CUX1: variants seen among roughly 807,000 people sequenced by gnomAD.
The protein encoded by CUX1 is protein CASP.
Under a neutral mutation model 158.8 loss-of-function variants are expected in CUX1, and 31 were observed. That is an observed-to-expected ratio of 0.20 (90% CI 0.15 to 0.26). The LOEUF (loss-of-function observed/expected upper bound fraction) is 0.26. Among genes scored for constraint, CUX1 ranks in the 10% least tolerant of loss-of-function variants. The pLI is 1.00. For synonymous variants in CUX1, 879 were observed against 862.1 expected (o/e 1.02, Z -0.34); for missense variants, 1,589 against 2,014.6 (o/e 0.79, Z 4.04).
intron 1 of CUX1, among the ~76,000 whole-genome samples, chr7:101,903,427 C>T (rs990249231): frequency 6.6e-6 from 1 of 152,114 alleles, no homozygotes; most frequent in African/African-American, 2.4e-5. Context: ...TAGTGGGGAG[C>T]ACTGCGTGTG....
intron 22 of CUX1, among the ~76,000 whole-genome samples, chr7:102,234,933 A>AG (rs1187856436): frequency 6.6e-6 from 1 of 152,018 alleles, no homozygotes; most frequent in Non-Finnish European, 1.5e-5. Flanking sequence ...AAAAAAAAAA[A>AG]ATGCATTTTG....
chr7:102,043,026 G>A (rs1170763574), intron 3 of CUX1, among the ~76,000 whole-genome samples: 1 of 152,170 alleles, frequency 6.6e-6, no homozygotes, highest in Non-Finnish European at 1.5e-5. Context: ...CAGCAGCACA[G>A]TCTCAGCTCA....
intron 10 of CUX1, among the ~76,000 whole-genome samples, chr7:102,176,594 A>G (rs1487243102): frequency 8.7e-6 from 1 of 115,514 alleles, no homozygotes; most frequent in Non-Finnish European, 1.7e-5. Context: ...TTGCTTTGAC[A>G]CAGAGTCGCT....
At chr7:102,092,414 G>A (rs1411072637) in intron 4 of CUX1, among the ~76,000 whole-genome samples, 2 of 152,158 alleles carry the variant, frequency 1.3e-5, no homozygotes, top group Non-Finnish European at 2.9e-5. Flanking sequence ...CTTCTTCAGA[G>A]GCCTTCCCTG....
intron 11 of CUX1, among the ~76,000 whole-genome samples, chr7:102,180,634 T>C (rs1255244059): frequency 4.5e-4 from 27 of 59,438 alleles, no homozygotes; most frequent in Non-Finnish European, 1.0e-3. Context: ...GCCCAATGTC[T>C]TTTTTTTTTT....
chr7:102,253,811 G>A lies in CUX1; in HGVS notation c.*4769G>A. 2 of 985,558 alleles carry A rather than the reference G, an allele frequency of 2.0e-6. No individual in the cohort carries two copies. The highest frequency in any genetic ancestry group is 2.4e-6 in the Non-Finnish European group (2 of 830,050). 61.1% of individuals were successfully genotyped at this position (985,558 alleles called of 1,614,324 possible). A position where few individuals can be genotyped will look rare whatever the true frequency, so the allele number is the denominator to read the frequency against. The stretch of plus-strand genomic sequence containing the variant: ...TAGCAACACGGGGCATGAGCGGTGG[G>A]CGTGCTGGGCTATTTGCTGTGGTAC... On this transcript the variant is annotated 3_prime_UTR_variant, in exon 24 of 24. Coordinates refer to ENST00000292535, the MANE Select transcript of CUX1 (RefSeq NM_181552.4).
Position 102,270,093 on chromosome 7 carries a change from C to T in CUX1, c.1256-3273C>T, listed in dbSNP as rs113512065. ...TGTGTCCTCGCCCCAGAGCCCTGTA[C>T]TCCAGAGGTTGAAGAACTTGCCGAA... On this transcript the variant is annotated intron_variant, in intron 14 of 22. Coordinates refer to the CUX1 transcript ENST00000292538. Among the ~76,000 whole-genome samples, 895 of 152,366 alleles carry T rather than the reference C, an allele frequency of 5.9e-3. 7 individuals are homozygous for T. The highest frequency in any genetic ancestry group is 0.02 in the African/African-American group (825 of 41,582).
intron 1 of CUX1, among the ~76,000 whole-genome samples, chr7:101,851,047 T>A (rs988171392): frequency 7.9e-5 from 12 of 152,108 alleles, no homozygotes; most frequent in Admixed American, 2.6e-4. Context: ...AGGTCAAGGA[T>A]GCAGTGAGCT....
chr7:102,248,079 G>A lies in CUX1; in HGVS notation c.3888-333G>A, dbSNP rs572387301. ...CCAGGAGGCAGAGGTTGCAGTCTGCGGAGATTGAGCCACTGCACTCCACCT... is the reference window on the plus strand; with the variant it reads ...CCAGGAGGCAGAGGTTGCAGTCTGCAGAGATTGAGCCACTGCACTCCACCT... On this transcript the variant is annotated intron_variant, in intron 23 of 23. Transcript: ENST00000292535. This position sits in a 1 kb window ranked among gnomAD's most constrained non-coding sequence, Gnocchi z 5.8. 2.6e-5 allele frequency among the ~76,000 whole-genome samples: 4 copies of A among 152,110 alleles called. No homozygotes were observed. Among genetic ancestry groups the A allele is most frequent in the Admixed American group, 1.3e-4 (2 of 15,292 alleles).
intron 2 of CUX1, among the ~76,000 whole-genome samples, chr7:102,015,318 C>A (rs1818461090): frequency 6.6e-6 from 1 of 152,080 alleles, no homozygotes; most frequent in African/African-American, 2.4e-5. Context: ...ACCTCCGCCT[C>A]CCAGGTTCAC....
chr7:101,919,856 G>T (rs1804693568), intron 2 of CUX1, among the ~76,000 whole-genome samples: 1 of 152,214 alleles, frequency 6.6e-6, no homozygotes, highest in Non-Finnish European at 1.5e-5. Flanking sequence ...GGGGTGCTGT[G>T]TGGTGGCTGG....
rs1554541680 is a variant in CUX1 at position 102,255,397 on chromosome 7, A to AC, written c.*6355_*6356insC. On this transcript the variant is annotated 3_prime_UTR_variant, in exon 24 of 24. Coordinates refer to ENST00000292535, the MANE Select transcript of CUX1 (RefSeq NM_181552.4). Reference sequence around the variant, plus strand: ...AGGCGAAAAATCCCAAAAAAAAAAAAAGACAAAAAAAAAAGGCTGGCGAGA... The same window carrying AC: ...AGGCGAAAAATCCCAAAAAAAAAAAACAGACAAAAAAAAAAGGCTGGCGAGA... 1.0e-6 allele frequency: 1 copy of AC among 984,336 alleles called. No homozygotes were observed. Among genetic ancestry groups the AC allele is most frequent in the East Asian group, 1.1e-4 (1 of 8,784 alleles). The allele number at this position is 984,336 out of a possible 1,614,324, so 61.0% of individuals were successfully genotyped here.
At chr7:102,173,770 C>T (rs1434768368) in intron 10 of CUX1, among the ~76,000 whole-genome samples, 1 of 152,080 alleles carries the variant, frequency 6.6e-6, no homozygotes, top group Non-Finnish European at 1.5e-5. Context: ...ATCCTAGGGG[C>T]GCTTAAACAC....
At chr7:102,160,950 C>T (rs1790367544) in intron 9 of CUX1, among the ~76,000 whole-genome samples, 1 of 152,126 alleles carries the variant, frequency 6.6e-6, no homozygotes, top group African/African-American at 2.4e-5. Context: ...TAGTTTGCCA[C>T]GATTTAAAAT....
intron 1 of CUX1, chr7:101,824,497 T>TA (rs1439703466): frequency 6.6e-6 from 1 of 152,180 alleles, no homozygotes; most frequent in Non-Finnish European, 1.5e-5. Context: ...ATTATTTAGA[T>TA]AAAAAATAAT....
chr7:102,124,132 A>C (rs946396938), intron 8 of CUX1, among the ~76,000 whole-genome samples: 2 of 152,186 alleles, frequency 1.3e-5, no homozygotes, highest in Admixed American at 1.3e-4. Flanking sequence ...TGCAGTGTAT[A>C]TGTGAAGGAA....
intron 20 of CUX1, among the ~76,000 whole-genome samples, chr7:102,206,118 G>A (rs952392664): frequency 9.2e-5 from 14 of 152,192 alleles, no homozygotes; most frequent in African/African-American, 3.1e-4. Context: ...TGTGTAGCAC[G>A]GGGAACAGCT....
chr7:101,846,323 C>CTT (rs34213913), intron 1 of CUX1, among the ~76,000 whole-genome samples: 1 of 145,460 alleles, frequency 6.9e-6, no homozygotes. Flanking sequence ...AATGCAACTC[C>CTT]TTTTTTTTTT....
chr7:102,004,211 G>A (rs917744769), intron 2 of CUX1, among the ~76,000 whole-genome samples: 25 of 152,102 alleles, frequency 1.6e-4, no homozygotes, highest in Non-Finnish European at 1.0e-4. Context: ...TTTGATTTGC[G>A]ATGCCAAGCA....
Sources: allele counts gnomAD v4.1 joint callset (sites outside exome capture counted in the v4.1 genomes callset), GRCh38; gene constraint gnomAD v4.1.1; non-coding constraint Gnocchi (gnomAD v3.1); transcripts MANE v1.5; gene names NCBI Gene and HGNC (gene_info 2026-07-23, HGNC 2026-07-21).